Variants in UNC13C observed in about 807,000 individuals in gnomAD.
UNC13C encodes protein unc-13 homolog C.
Under a neutral mutation model 245.4 loss-of-function variants are expected in UNC13C, and 174 were observed. The observed-to-expected ratio is 0.71, with a 90% CI of 0.63 to 0.80. UNC13C has a LOEUF of 0.80. Among genes scored for constraint, UNC13C ranks in the 30% least tolerant of loss-of-function variants. The pLI is 0.00. For synonymous variants in UNC13C, 992 were observed against 895.1 expected, an observed-to-expected ratio of 1.11 and a Z score of -1.93; for missense variants, 2,829 against 2,602.9, an observed-to-expected ratio of 1.09 and a Z score of -1.89.
intron 8 of UNC13C, among the ~76,000 whole-genome samples, chr15:54,257,398 A>G (rs893674865): frequency 6.6e-6 from 1 of 152,238 alleles, no homozygotes; most frequent in East Asian, 1.9e-4. Flanking sequence ...ATGCGAGCAC[A>G]TTCCTGATTT....
At chr15:54,227,437 C>A (rs1342278978) in intron 4 of UNC13C, among the ~76,000 whole-genome samples, 1 of 152,206 alleles carries the variant, frequency 6.6e-6, no homozygotes, top group African/African-American at 2.4e-5. Flanking sequence ...CCATTCATGG[C>A]ACCCAGGCTG....
intron 2 of UNC13C, among the ~76,000 whole-genome samples, chr15:54,127,300 C>G (rs944691810): frequency 9.9e-5 from 15 of 152,020 alleles, no homozygotes; most frequent in Non-Finnish European, 2.9e-5. Flanking sequence ...GACTTGGAAC[C>G]AACCCACATG....
chr15:54,050,804 G>T, intron 2 of UNC13C: 1 of 594,408 alleles, frequency 1.7e-6, no homozygotes, highest in Non-Finnish European at 3.3e-6. Context: ...CAGCCCTTCA[G>T]CAGTAGTCCA....
At chr15:54,585,346 C>G (rs1008031645) in intron 30 of UNC13C, among the ~76,000 whole-genome samples, 1 of 152,136 alleles carries the variant, frequency 6.6e-6, no homozygotes, top group African/African-American at 2.4e-5. Context: ...TGCTTCCTCT[C>G]TCACCATGTT....
chr15:54,150,825 T>C (rs2032481822), intron 4 of UNC13C, among the ~76,000 whole-genome samples: 1 of 152,210 alleles, frequency 6.6e-6, no homozygotes, highest in Non-Finnish European at 1.5e-5. Flanking sequence ...TAAGATAAAA[T>C]TTACTATCTA....
At chr15:54,533,198 G>A (rs1566893026) in intron 26 of UNC13C, 132 bp downstream of exon 26, 5 of 626,262 alleles carry the variant, frequency 8.0e-6, no homozygotes, top group Admixed American at 3.8e-5. Flanking sequence ...TGAATTCAAA[G>A]ATAAATAAAT....
chr15:53,847,371 T>C, the UNC13C span, among the ~76,000 whole-genome samples: 2 of 151,708 alleles, frequency 1.3e-5, no homozygotes, highest in Non-Finnish European at 2.9e-5. Flanking sequence ...TTTTTTTTTT[T>C]CTGAGATGGA....
At chr15:54,170,031 C>T (rs1156435130) in intron 4 of UNC13C, among the ~76,000 whole-genome samples, 2 of 141,022 alleles carry the variant, frequency 1.4e-5, no homozygotes, top group African/African-American at 5.3e-5. Flanking sequence ...ATTCTTAAAC[C>T]TATCATGTAC....
At position 54,009,072 on chromosome 15, in the gene UNC13C, C is replaced by T. The variant is rs575617586; in HGVS notation, c.-256-3576C>T. 2.0e-5 allele frequency among the ~76,000 whole-genome samples: 3 copies of T among 152,310 alleles called. No homozygotes were observed. The South Asian group carries it at 6.2e-4, about 32-fold the overall frequency. Reference sequence around the variant, plus strand: ...ACAGCTGGTATTTTGGACTCACCAACTCTTTCCCTAAAGCATCTATGGTTT... The same window carrying T: ...ACAGCTGGTATTTTGGACTCACCAATTCTTTCCCTAAAGCATCTATGGTTT... On this transcript the variant is annotated intron_variant, in intron 1 of 32. Coordinates refer to ENST00000260323, the MANE Select transcript of UNC13C (RefSeq NM_001080534.3).
chr15:54,121,251 A>G (rs1049263674), intron 2 of UNC13C, among the ~76,000 whole-genome samples: 1 of 152,190 alleles, frequency 6.6e-6, no homozygotes, highest in Non-Finnish European at 1.5e-5. Context: ...CACCCTGATT[A>G]GTCAGCATTC....
Position 54,014,872 on chromosome 15 carries a change from T to C in UNC13C, c.1969T>C (p.Trp657Arg), listed in dbSNP as rs1467958194. Reference protein sequence around the residue: ...QLSLHEDLSPWKEWNQGADLG... With the variant: ...QLSLHEDLSPRKEWNQGADLG... ...CTCTTTACATGAGGATCTTTCTCCATGGAAGGAATGGAATCAAGGAGCTGA... is the reference window on the plus strand; with the variant it reads ...CTCTTTACATGAGGATCTTTCTCCACGGAAGGAATGGAATCAAGGAGCTGA... The change falls in exon 2 of 33, where the codon TGG becomes CGG. Residue 657 changes from tryptophan to arginine, a missense_variant. Coordinates refer to ENST00000260323, the MANE Select transcript of UNC13C (RefSeq NM_001080534.3). 2 of 1,613,922 alleles carry C rather than the reference T, an allele frequency of 1.2e-6. No individual in the cohort carries two copies. The highest frequency in any genetic ancestry group is 1.7e-6 in the Non-Finnish European group (2 of 1,179,838).
chr15:54,254,316 A>C (rs1305782408), intron 8 of UNC13C, among the ~76,000 whole-genome samples: 1 of 152,128 alleles, frequency 6.6e-6, no homozygotes, highest in Non-Finnish European at 1.5e-5. Context: ...ACTCAACCTT[A>C]TTTTCTAATA....
the UNC13C span, among the ~76,000 whole-genome samples, chr15:53,901,626 G>A: frequency 6.6e-6 from 1 of 152,066 alleles, no homozygotes; most frequent in African/African-American, 2.4e-5. Flanking sequence ...AATGAATAAT[G>A]TTGAAATTAA....
the UNC13C span, among the ~76,000 whole-genome samples, chr15:53,939,193 G>A: frequency 1.3e-5 from 2 of 152,214 alleles, no homozygotes; most frequent in East Asian, 3.9e-4. Flanking sequence ...ACAACCATCA[G>A]AGAACACTAT....
rs563073565 is a variant in UNC13C at position 54,628,160 on chromosome 15, G to A, written c.*1047G>A. ...AGCCCCAAATGCATCAAATGCAGTA[G>A]GAGAACAATGTAATACAGCTTGGTA... On this transcript the variant is annotated 3_prime_UTR_variant, in exon 33 of 33. Coordinates refer to ENST00000260323, the MANE Select transcript of UNC13C (RefSeq NM_001080534.3). 1.3e-5 allele frequency: 2 copies of A among 152,164 alleles called. No homozygotes were observed. The highest frequency in any genetic ancestry group is 4.8e-5 in the African/African-American group (2 of 41,536). The allele number at this position is 152,164 out of a possible 1,614,324, so 9.4% of individuals were successfully genotyped here.
intron 4 of UNC13C, among the ~76,000 whole-genome samples, chr15:54,150,240 G>C (rs1302518433): frequency 6.6e-6 from 1 of 152,166 alleles, no homozygotes; most frequent in Non-Finnish European, 1.5e-5. Context: ...TTCCTAAGGA[G>C]TTTAAAATAA....
At chr15:54,422,405 A>T (rs1236000537) in intron 19 of UNC13C, among the ~76,000 whole-genome samples, 1 of 151,956 alleles carries the variant, frequency 6.6e-6, no homozygotes, top group Non-Finnish European at 1.5e-5. Context: ...TGACTTTCAC[A>T]CACTTAGATT....
chr15:53,982,583 T>C (rs1429187491), intron 1 of UNC13C, among the ~76,000 whole-genome samples: 1 of 152,158 alleles, frequency 6.6e-6, no homozygotes, highest in Middle Eastern at 3.2e-3. Context: ...TGAAAAAGTC[T>C]AAATAGTTGC....
Position 54,627,637 on chromosome 15 carries a change from G to GGGAAATATTTTCTGCT in UNC13C, c.*526_*541dup, listed in dbSNP as rs1901270040. 6.6e-6 allele frequency: 1 copy of GGGAAATATTTTCTGCT among 152,602 alleles called. No individual in the cohort carries two copies. The highest frequency in any genetic ancestry group is 2.4e-5 in the African/African-American group (1 of 41,432). 9.5% of individuals were successfully genotyped at this position (152,602 alleles called of 1,614,324 possible). ...GCATACACATTAAAATAGAAAAGGTGGGAAATATTTTCTGCTGACCAGTTT... is the reference window on the plus strand; with the variant it reads ...GCATACACATTAAAATAGAAAAGGTGGGAAATATTTTCTGCTGGAAATATTTTCTGCTGACCAGTTT... On this transcript the variant is annotated 3_prime_UTR_variant, in exon 33 of 33. Transcript: ENST00000260323.
Sources: gnomAD v4.1 joint callset for allele counts (sites outside exome capture counted in the v4.1 genomes callset) on GRCh38, gnomAD v4.1.1 for gene constraint, MANE v1.5 for transcripts, NCBI Gene and HGNC (gene_info 2026-07-23, HGNC 2026-07-21) for gene names.